Variants in THADA observed in about 807,000 individuals in gnomAD.
THADA encodes the protein tRNA (32-2'-O)-methyltransferase regulator THADA.
Under a neutral mutation model 219.8 loss-of-function variants are expected in THADA, and 213 were observed. The observed-to-expected ratio is 0.97, with a 90% CI of 0.87 to 1.09. The LOEUF is 1.09. THADA is among the 50% of genes least tolerant of loss of function. The probability of loss-of-function intolerance (pLI) is 0.00; values close to 1 mark genes in which losing one functional copy is unlikely to be tolerated. For missense variants in THADA, 2,956 were observed against 2,311.3 expected, an observed-to-expected ratio of 1.28 and a Z score of -5.72; for synonymous variants, 1,018 against 828.9, an observed-to-expected ratio of 1.23 and a Z score of -3.92.
intron 31 of THADA, among the ~76,000 whole-genome samples, chr2:43,296,271 CTTTTTATT>C (rs1474466433): frequency 2.0e-5 from 3 of 150,878 alleles, no homozygotes; most frequent in East Asian, 2.0e-4. Flanking sequence ...CAGGAGGCAT[CTTTTTATT>C]TTTTTATTTT....
intron 22 of THADA, among the ~76,000 whole-genome samples, chr2:43,521,391 TA>T (rs1322466266): frequency 6.6e-6 from 1 of 151,994 alleles, no homozygotes; most frequent in Non-Finnish European, 1.5e-5. Context: ...CCAGTCTCTA[TA>T]AAAATACAAA....
chr2:43,231,465 G>A (rs1432711028), intron 37 of THADA, 122 bp from the exon 38 acceptor site: 28 of 1,019,740 alleles, frequency 2.7e-5, no homozygotes, highest in African/African-American at 2.6e-4. Flanking sequence ...GACAGAGGGT[G>A]CACTCTTGCC....
At position 43,586,923 on chromosome 2, in the gene THADA, T is replaced by C. The variant is rs1416427071; in HGVS notation, c.382A>G (p.Thr128Ala). Reference protein sequence around the residue: ...FTSRLQEELNTTDLYSYRKVT... With the variant: ...FTSRLQEELNATDLYSYRKVT... Reference sequence around the variant, plus strand: ...TTCCTGTAAGAGTATAAGTCAGTAGTATTCAATTCTTCCTGAAGACGAGAA... The same window carrying C: ...TTCCTGTAAGAGTATAAGTCAGTAGCATTCAATTCTTCCTGAAGACGAGAA... Residue 128 changes from threonine (T) to alanine (A), a missense_variant, in exon 5 of 38, where the codon ACT (threonine) becomes GCT (alanine). Transcript: ENST00000405975. The C allele has an allele frequency of 1.2e-6, 2 of 1,613,806 alleles. No homozygotes were observed. The highest frequency in any genetic ancestry group is 1.3e-5 in the African/African-American group (1 of 75,048).
intron 31 of THADA, among the ~76,000 whole-genome samples, chr2:43,311,965 G>A (rs780786418): frequency 3.3e-5 from 5 of 152,200 alleles, no homozygotes; most frequent in Admixed American, 2.6e-4. Context: ...TTGGGAGGCC[G>A]AGGCAGGAGG....
intron 36 of THADA, among the ~76,000 whole-genome samples, chr2:43,248,196 GAGAGAGAGAGAGA>G (rs1669431682): frequency 1.5e-5 from 2 of 136,022 alleles, no homozygotes; most frequent in South Asian, 2.4e-4. Context: ...GAGAGAGAGA[GAGAGAGAGAGAGA>G]GAGAGACAGA....
At chr2:43,556,076 G>T in intron 17 of THADA, 2 of 723,670 alleles carry the variant, frequency 2.8e-6, no homozygotes, top group Non-Finnish European at 3.6e-6. Flanking sequence ...GCACACTTTT[G>T]GTGGAGAAAG....
intron 36 of THADA, among the ~76,000 whole-genome samples, chr2:43,239,536 A>G (rs1244086518): frequency 6.6e-6 from 1 of 152,250 alleles, no homozygotes; most frequent in Non-Finnish European, 1.5e-5. Flanking sequence ...ACTGAATGAA[A>G]GAAAGATGTC....
At chr2:43,586,625 A>G (rs12467151) in intron 6 of THADA, 77 bp downstream of exon 6, 189,583 of 1,488,702 alleles carry the variant, frequency 0.13, 13,265 homozygotes, top group African/African-American at 0.24. Context: ...TATTACCAAG[A>G]AACTTAAAAG....
chr2:43,411,123 A>G (rs1676240838), intron 28 of THADA, among the ~76,000 whole-genome samples: 1 of 152,160 alleles, frequency 6.6e-6, no homozygotes, highest in South Asian at 2.1e-4. Flanking sequence ...AAACAAAAAA[A>G]TTTTTTTGGA....
chr2:43,307,256 G>A (rs1236311379), intron 31 of THADA, among the ~76,000 whole-genome samples: 2 of 152,202 alleles, frequency 1.3e-5, no homozygotes, highest in African/African-American at 4.8e-5. Context: ...AGAGCCCAGA[G>A]GTCTTGGCTC....
At chr2:43,294,248 G>A (rs1335253586) in intron 31 of THADA, among the ~76,000 whole-genome samples, 2 of 152,152 alleles carry the variant, frequency 1.3e-5, no homozygotes, top group Non-Finnish European at 2.9e-5. Context: ...TGCTTACTAT[G>A]TGCTAGGAGC....
intron 31 of THADA, among the ~76,000 whole-genome samples, chr2:43,305,080 A>G (rs1676700679): frequency 6.6e-6 from 1 of 152,210 alleles, no homozygotes; most frequent in Admixed American, 6.5e-5. Context: ...TTTATCTGAA[A>G]TGGTGGATAA....
At chr2:43,318,211 AT>A (rs1013892758) in intron 31 of THADA, among the ~76,000 whole-genome samples, 276 of 144,210 alleles carry the variant, frequency 1.9e-3, no homozygotes, top group Admixed American at 2.5e-3. Flanking sequence ...GGCTAATTAA[AT>A]TTTTTTTTTT....
intron 29 of THADA, among the ~76,000 whole-genome samples, chr2:43,376,985 T>C (rs1003858886): frequency 6.6e-6 from 1 of 152,172 alleles, no homozygotes; most frequent in African/African-American, 2.4e-5. Context: ...CAGGTCTGTT[T>C]TCCCATTCAT....
chr2:43,571,471 T>C (rs930305291), intron 13 of THADA, among the ~76,000 whole-genome samples: 14 of 151,880 alleles, frequency 9.2e-5, no homozygotes, highest in African/African-American at 3.4e-4. Flanking sequence ...AGGCTGATTC[T>C]GAACTCCTGA....
At chr2:43,357,629 G>A (rs1012409954) in intron 29 of THADA, among the ~76,000 whole-genome samples, 10 of 152,128 alleles carry the variant, frequency 6.6e-5, no homozygotes, top group Admixed American at 1.3e-4. Context: ...TGACCAATAC[G>A]GGACCAGTTG....
intron 36 of THADA, among the ~76,000 whole-genome samples, chr2:43,268,281 C>T (rs911852537): frequency 2.0e-5 from 3 of 152,314 alleles, no homozygotes; most frequent in Admixed American, 1.3e-4. Context: ...CATTCTCCTC[C>T]TAACGCTCAT....
intron 26 of THADA, among the ~76,000 whole-genome samples, chr2:43,475,243 C>T (rs965554430): frequency 1.3e-5 from 2 of 151,910 alleles, no homozygotes; most frequent in African/African-American, 2.4e-5. Flanking sequence ...TGGCGAAACC[C>T]GGTCTCTACA....
intron 22 of THADA, among the ~76,000 whole-genome samples, chr2:43,513,179 C>T (rs1690713533): frequency 6.6e-6 from 1 of 152,124 alleles, no homozygotes; most frequent in South Asian, 2.1e-4. Context: ...TCTTAATGGT[C>T]ATTTTCTAAA....
Sources: allele counts gnomAD v4.1 joint callset (sites outside exome capture counted in the v4.1 genomes callset), GRCh38; gene constraint gnomAD v4.1.1; transcripts MANE v1.5; gene names NCBI Gene and HGNC (gene_info 2026-07-23, HGNC 2026-07-21).